The following MICAL2 variants were observed in gnomAD, a reference collection of about 807,000 sequenced individuals.
MICAL2 encodes the protein [F-actin]-monooxygenase MICAL2.
MICAL2 carries 77 observed loss-of-function variants against 127.3 expected under a neutral mutation model. The ratio of observed to expected loss-of-function variants is 0.60; its 90% confidence interval spans 0.50 to 0.73. The LOEUF (loss-of-function observed/expected upper bound fraction) is 0.73, where lower values mean the gene tolerates loss of function less well. Among genes scored for constraint, MICAL2 ranks in the 30% least tolerant of loss-of-function variants. MICAL2 has a pLI of 0.00. For synonymous variants in MICAL2, 570 were observed against 551.1 expected, an observed-to-expected ratio of 1.03 and a Z score of -0.48; for missense variants, 1,351 against 1,434.4, an observed-to-expected ratio of 0.94 and a Z score of 0.94.
chr11:12,133,280 C>T (rs912278272), intron 1 of MICAL2, among the ~76,000 whole-genome samples: 3 of 152,228 alleles, frequency 2.0e-5, no homozygotes, highest in Middle Eastern at 3.4e-3. Flanking sequence ...TGGGGTTTCA[C>T]CATGTTGGTC....
chr11:12,209,765 C>T (rs1855205691), intron 6 of MICAL2, among the ~76,000 whole-genome samples, 167 bp downstream of exon 6: 1 of 152,128 alleles, frequency 6.6e-6, no homozygotes, highest in Admixed American at 6.5e-5. Flanking sequence ...GCCCATCCAC[C>T]TGTGGGGTGG....
intron 1 of MICAL2, among the ~76,000 whole-genome samples, chr11:12,124,814 T>G (rs915120840): frequency 6.6e-6 from 1 of 152,240 alleles, no homozygotes; most frequent in African/African-American, 2.4e-5. Flanking sequence ...GCAGCTCTTC[T>G]GATCTCCCAG....
chr11:12,343,833 C>T (rs994597655), intron 32 of MICAL2, among the ~76,000 whole-genome samples: 1 of 152,102 alleles, frequency 6.6e-6, no homozygotes, highest in Admixed American at 6.5e-5. Flanking sequence ...CAAGGAAAAA[C>T]GATCCTTAAT....
chr11:12,350,301 G>C (rs1939024472), intron 33 of MICAL2, among the ~76,000 whole-genome samples: 1 of 152,118 alleles, frequency 6.6e-6, no homozygotes, highest in Admixed American at 6.5e-5. Context: ...TAAATCTTGG[G>C]AAGGACTCAG....
downstream of MICAL2, among the ~76,000 whole-genome samples, chr11:12,289,612 A>G (rs541947774): frequency 3.1e-4 from 42 of 134,522 alleles, no homozygotes; most frequent in African/African-American, 1.1e-3. Flanking sequence ...TTGGTCACCC[A>G]GACTGGAGTG....
chr11:12,143,262 AAGG>A (rs1852527455), intron 2 of MICAL2, among the ~76,000 whole-genome samples: 1 of 152,208 alleles, frequency 6.6e-6, no homozygotes, highest in Non-Finnish European at 1.5e-5. Flanking sequence ...GTTTAGAAGT[AAGG>A]AGGAGTAGTG....
intron 32 of MICAL2, among the ~76,000 whole-genome samples, chr11:12,340,683 C>T (rs900899661): frequency 1.3e-5 from 2 of 152,004 alleles, no homozygotes; most frequent in East Asian, 1.9e-4. Context: ...GTCATACAAC[C>T]GAATGTTATA....
chr11:12,226,875 C>T lies in MICAL2; in HGVS notation c.1889-150C>T, dbSNP rs750399025. On this transcript the variant is annotated intron_variant, in intron 14 of 27. Coordinates refer to ENST00000683283, the MANE Select transcript of MICAL2 (RefSeq NM_001282663.2). The stretch of plus-strand genomic sequence containing the variant: ...TTCACTGTGTTAGCCAGGATGGTCT[C>T]GATCTCCTGACCTCGTGATCCACCT... 5.9e-5 allele frequency: 37 copies of T among 626,196 alleles called. 1 individual carries two copies. The highest frequency in any genetic ancestry group is 4.1e-4 in the Admixed American group (15 of 36,374). 38.8% of individuals were successfully genotyped at this position (626,196 alleles called of 1,614,324 possible).
At position 12,129,636 on chromosome 11, in the gene MICAL2, CT is replaced by C. The variant is rs559528778; in HGVS notation, c.-148-8735del. On this transcript the variant is annotated intron_variant, in intron 1 of 27. Coordinates refer to ENST00000683283, the MANE Select transcript of MICAL2 (RefSeq NM_001282663.2). ...TTCTACTCTGTTTCTTCTTCTTCTT[CT>C]TTTTTTTTTTTTTTTTTTGGTGGTC... Among the ~76,000 whole-genome samples, 965 of 97,412 alleles carry C rather than the reference CT, an allele frequency of 9.9e-3. 14 individuals are homozygous for C. Among genetic ancestry groups the C allele is most frequent in the African/African-American group, 0.041 (894 of 21,732 alleles). 63.9% of individuals were successfully genotyped at this position (97,412 alleles called of 152,430 possible).
intron 1 of MICAL2, among the ~76,000 whole-genome samples, chr11:12,111,146 G>A (rs1210769608): frequency 6.6e-6 from 1 of 152,176 alleles, no homozygotes; most frequent in African/African-American, 2.4e-5. Context: ...TGCACGCCCC[G>A]TTCCAGCTCT....
Position 12,227,021 on chromosome 11 carries a change from A to T in MICAL2, c.1889-4A>T. 6.2e-7 allele frequency: 1 copy of T among 1,612,196 alleles called. No homozygotes were observed. The highest frequency in any genetic ancestry group is 8.5e-7 in the Non-Finnish European group (1 of 1,178,402). ...AATCACAGTTGCGCTTTATTTCCCA[A>T]CAGATTCTTGGCGCAAAAACTATGG... is the stretch of plus-strand genomic sequence containing the variant. On this transcript the variant is annotated splice_polypyrimidine_tract_variant and splice_region_variant and intron_variant, in intron 14 of 27. Coordinates refer to ENST00000683283, the MANE Select transcript of MICAL2 (RefSeq NM_001282663.2).
chr11:12,260,184 G>A (rs1333998359), intron 26 of MICAL2: 3 of 1,485,626 alleles, frequency 2.0e-6, no homozygotes, highest in South Asian at 2.6e-5. Flanking sequence ...ATGGCTGGCT[G>A]CCCCAAAGTG....
Position 12,242,375 on chromosome 11 carries a change from G to T in MICAL2, c.2499G>T (p.Ala833=). ...CCCTGCCTTCTACCCGCCCGAGGGCGCAGGCTCTTTCCGGGGTGCTGTGGC... is the reference window on the plus strand; with the variant it reads ...CCCTGCCTTCTACCCGCCCGAGGGCTCAGGCTCTTTCCGGGGTGCTGTGGC... ...FATLPSTRPR[A]QALSGVLWRL... is the part of the protein sequence containing the mutation. The change falls in exon 19 of 28, where the codon GCG becomes GCT. Residue 833 remains alanine (A), a synonymous_variant. Coordinates refer to ENST00000683283, the MANE Select transcript of MICAL2 (RefSeq NM_001282663.2). 1.9e-6 allele frequency: 3 copies of T among 1,613,796 alleles called. No homozygotes were observed. The highest frequency in any genetic ancestry group is 2.5e-6 in the Non-Finnish European group (3 of 1,179,802).
chr11:12,239,493 GA>G lies in MICAL2; in HGVS notation c.2124del (p.Gly709ValfsTer28). On this transcript the variant is annotated frameshift_variant, in exon 17 of 28. Transcript: ENST00000683283. LOFTEE classifies it high-confidence loss of function. ...CAATCAAGAGTGTGGGAGCAGTAAGGAAGGTGGAAATCAGAACAAAGTCAAG... is the reference window on the plus strand; with the variant it reads ...CAATCAAGAGTGTGGGAGCAGTAAGGAGGTGGAAATCAGAACAAAGTCAAG... ...GSNQECGSSKEGGNQNKVKSM... is the reference protein window; with the variant it reads ...GSNQECGSSKXGGNQNKVKSM... 6.2e-7 allele frequency: 1 copy of G among 1,614,238 alleles called. No individual in the cohort carries two copies. Among genetic ancestry groups the G allele is most frequent in the Non-Finnish European group, 8.5e-7 (1 of 1,180,048 alleles).
chr11:12,276,315 C>A (rs1863721844), intron 1 of MICAL2: 1 of 397,006 alleles, frequency 2.5e-6, no homozygotes, highest in Non-Finnish European at 4.4e-6. Flanking sequence ...ATCATAGTAC[C>A]CATCTCAGAG....
chr11:12,329,850 A>T (rs192222185), intron 32 of MICAL2, among the ~76,000 whole-genome samples: 151 of 132,742 alleles, frequency 1.1e-3, no homozygotes, highest in Admixed American at 2.3e-3. Flanking sequence ...AATCTTCCTC[A>T]TCCCCAAATA....
intron 29 of MICAL2, among the ~76,000 whole-genome samples, chr11:12,318,355 C>T (rs1439349935): frequency 6.6e-6 from 1 of 152,316 alleles, no homozygotes; most frequent in East Asian, 1.9e-4. Flanking sequence ...AATGCTTCCT[C>T]CCATTATTAT....
chr11:12,224,599 A>G, intron 12 of MICAL2, 74 bp from the exon 13 acceptor site: 14 of 1,554,782 alleles, frequency 9.0e-6, no homozygotes, highest in Non-Finnish European at 1.1e-5. Flanking sequence ...CATGGTGGCA[A>G]TGAGAAGGGA....
rs1313002523 is a variant in MICAL2 at position 12,110,998 on chromosome 11, C to T, written c.-149+272C>T. Among the ~76,000 whole-genome samples, 1 of 152,304 alleles carries T rather than the reference C, an allele frequency of 6.6e-6. No homozygotes were observed. Among genetic ancestry groups the T allele is most frequent in the South Asian group, 2.1e-4 (1 of 4,826 alleles). ...CGCCGAACTACCTCTTACTCCGCTC[C>T]GCAACACCCAAACCCTGCAGTTCCA... On this transcript the variant is annotated intron_variant, in intron 1 of 27. Coordinates refer to ENST00000683283, the MANE Select transcript of MICAL2 (RefSeq NM_001282663.2). The surrounding 1 kb of genome is among the most constrained non-coding windows in gnomAD (Gnocchi z 4.5).
Sources: allele counts gnomAD v4.1 joint callset (sites outside exome capture counted in the v4.1 genomes callset), GRCh38; gene constraint gnomAD v4.1.1; non-coding constraint Gnocchi (gnomAD v3.1); transcripts MANE v1.5; gene names NCBI Gene and HGNC (gene_info 2026-07-23, HGNC 2026-07-21).